ASB3: variants seen among roughly 807,000 people sequenced by gnomAD.
The protein encoded by ASB3 is ankyrin repeat and SOCS box containing 3.
Under a neutral mutation model 54.5 loss-of-function variants are expected in ASB3, and 41 were observed. That is an observed-to-expected ratio of 0.75 (90% CI 0.59 to 0.98). The LOEUF (loss-of-function observed/expected upper bound fraction) is 0.98. ASB3 is among the 50% of genes least tolerant of loss of function. The pLI, the probability that ASB3 is intolerant of heterozygous loss-of-function variation, is 0.00. For synonymous variants in ASB3, 266 were observed against 221.2 expected, an observed-to-expected ratio of 1.20 and a Z score of -1.80; for missense variants, 733 against 620.0, an observed-to-expected ratio of 1.18 and a Z score of -1.94.
intron 3 of ASB3, among the ~76,000 whole-genome samples, chr2:53,737,988 A>G (rs1671738231): frequency 6.6e-6 from 1 of 152,230 alleles, no homozygotes; most frequent in South Asian, 2.1e-4. Context: ...CCACAGCAGA[A>G]TAACAACACA....
chr2:53,701,427 G>T (rs1669489503), intron 7 of ASB3, among the ~76,000 whole-genome samples: 1 of 152,156 alleles, frequency 6.6e-6, no homozygotes, highest in Non-Finnish European at 1.5e-5. Context: ...CTGGGATAAT[G>T]ATATCAAACC....
intron 9 of ASB3, among the ~76,000 whole-genome samples, chr2:53,675,247 C>A (rs1668025273): frequency 6.6e-6 from 1 of 152,112 alleles, no homozygotes; most frequent in African/African-American, 2.4e-5. Context: ...TTTGATTACA[C>A]ACTAAATTAG....
chr2:53,727,734 T>TC (rs1671084705), intron 5 of ASB3, among the ~76,000 whole-genome samples: 1 of 152,202 alleles, frequency 6.6e-6, no homozygotes, highest in Non-Finnish European at 1.5e-5. Context: ...TTTCTTTCTT[T>TC]CTTTTTTTGG....
intron 2 of ASB3, chr2:53,756,729 G>C (rs1299882469): frequency 2.6e-5 from 4 of 152,940 alleles, no homozygotes; most frequent in African/African-American, 9.7e-5. Flanking sequence ...GTCCGTGTTT[G>C]TTCCAGTTCA....
At chr2:53,765,606 A>G in intron 1 of ASB3, 21 bp from the exon 2 acceptor site, 1 of 1,613,992 alleles carries the variant, frequency 6.2e-7, no homozygotes, top group African/African-American at 1.3e-5. Context: ...AGGTAGAAGG[A>G]TAATACTATA....
At chr2:53,678,116 A>G (rs1327827709) in intron 9 of ASB3, among the ~76,000 whole-genome samples, 1 of 148,042 alleles carries the variant, frequency 6.8e-6, no homozygotes, top group South Asian at 2.2e-4. Flanking sequence ...TAATATACCC[A>G]TCATCTCATA....
intron 9 of ASB3, among the ~76,000 whole-genome samples, chr2:53,683,361 G>T (rs1171838453): frequency 6.6e-6 from 1 of 151,788 alleles, no homozygotes; most frequent in African/African-American, 2.4e-5. Context: ...GTAGAATTCG[G>T]TTTGCTAGTA....
At chr2:53,774,519 CAT>C (rs778977921) in intron 1 of ASB3, 5 of 1,533,830 alleles carry the variant, frequency 3.3e-6, no homozygotes, top group Non-Finnish European at 3.5e-6. Flanking sequence ...ACCTCAATTG[CAT>C]ATAATTTAGT....
intron 7 of ASB3, among the ~76,000 whole-genome samples, chr2:53,704,039 G>T (rs559436055): frequency 6.6e-6 from 1 of 152,234 alleles, no homozygotes; most frequent in East Asian, 1.9e-4. Context: ...TGGTAAAAGT[G>T]ATATAGGAAA....
intron 1 of ASB3, among the ~76,000 whole-genome samples, chr2:53,773,661 C>T (rs1274180071): frequency 1.3e-5 from 2 of 151,850 alleles, no homozygotes; most frequent in Non-Finnish European, 2.9e-5. Flanking sequence ...CCACTCCTGA[C>T]CTCGTGATCC....
intron 9 of ASB3, among the ~76,000 whole-genome samples, chr2:53,679,416 CT>C (rs937253569): frequency 7.3e-5 from 11 of 151,266 alleles, no homozygotes; most frequent in Admixed American, 1.3e-4. Flanking sequence ...GTCTTATGGG[CT>C]TTTTTTTTCT....
intron 3 of ASB3, among the ~76,000 whole-genome samples, chr2:53,741,039 A>C (rs532062611): frequency 6.6e-6 from 1 of 152,200 alleles, no homozygotes; most frequent in Non-Finnish European, 1.5e-5. Context: ...TTCATACAGC[A>C]GTATTCTCCT....
intron 4 of ASB3, 116 bp downstream of exon 4, chr2:53,729,342 G>T: frequency 1.0e-6 from 1 of 953,108 alleles, no homozygotes; most frequent in Non-Finnish European, 1.6e-6. Context: ...TTTCTGTACT[G>T]CACTAACCAT....
intron 2 of ASB3, among the ~76,000 whole-genome samples, chr2:53,754,009 T>C (rs1672676823): frequency 6.6e-6 from 1 of 152,066 alleles, no homozygotes. Context: ...TGGCTGATTC[T>C]AAGGCTGAGG....
At chr2:53,765,720 A>C in intron 1 of ASB3, 135 bp from the exon 2 acceptor site, 1 of 1,032,808 alleles carries the variant, frequency 9.7e-7, no homozygotes, top group Non-Finnish European at 1.4e-6. Flanking sequence ...ACAGAAAGTG[A>C]CTGCCATGCC....
chr2:53,767,257 T>G (rs894946129), intron 1 of ASB3: 1 of 152,230 alleles, frequency 6.6e-6, no homozygotes, highest in Non-Finnish European at 1.5e-5. Flanking sequence ...CAATTCCCAT[T>G]GAAATGACAG....
chr2:53,693,048 T>G (rs1283410915), intron 9 of ASB3, among the ~76,000 whole-genome samples: 1 of 152,216 alleles, frequency 6.6e-6, no homozygotes. Context: ...GAAGACACAT[T>G]TCTACATATG....
chr2:53,707,730 G>A (rs1245164420), intron 7 of ASB3, among the ~76,000 whole-genome samples: 1 of 151,614 alleles, frequency 6.6e-6, no homozygotes, highest in Non-Finnish European at 1.5e-5. Flanking sequence ...GGGAGGTGAA[G>A]GGGGGCAGAT....
At position 53,776,362 on chromosome 2, in the gene ASB3, T is replaced by C. The variant is rs931509486; in HGVS notation, c.-14+10459A>G. Among the ~76,000 whole-genome samples the C allele has an allele frequency of 2.0e-5, 3 of 152,368 alleles. No homozygotes were observed. In the South Asian group the frequency reaches 6.2e-4, roughly 32 times the overall value. On this transcript the variant is annotated intron_variant, in intron 1 of 9. Transcript: ENST00000263634. ...GGTTCTTTCTTTCCAGGCAATTAGATGATAAATGTGCTTTAAAATTCTCTT... is the reference window on the plus strand; with the variant it reads ...GGTTCTTTCTTTCCAGGCAATTAGACGATAAATGTGCTTTAAAATTCTCTT...
Sources: allele counts gnomAD v4.1 joint callset (sites outside exome capture counted in the v4.1 genomes callset), GRCh38; gene constraint gnomAD v4.1.1; transcripts MANE v1.5; gene names NCBI Gene and HGNC (gene_info 2026-07-23, HGNC 2026-07-21).